Variants in ITSN1 observed in about 807,000 individuals in gnomAD.
ITSN1 encodes the protein intersectin-1.
Under a neutral mutation model 239.8 loss-of-function variants are expected in ITSN1, and 58 were observed. The observed-to-expected ratio is 0.24, with a 90% CI of 0.20 to 0.30. The LOEUF (loss-of-function observed/expected upper bound fraction) is 0.30. Among genes scored for constraint, ITSN1 ranks in the 10% least tolerant of loss-of-function variants. The pLI is 1.00. For synonymous variants in ITSN1, 780 were observed against 770.8 expected, an observed-to-expected ratio of 1.01 and a Z score of -0.20; for missense variants, 1,558 against 2,103.3, an observed-to-expected ratio of 0.74 and a Z score of 5.07.
chr21:33,793,011 TTTTTC>T (rs1555917549), intron 16 of ITSN1, among the ~76,000 whole-genome samples: 2 of 151,936 alleles, frequency 1.3e-5, no homozygotes, highest in Non-Finnish European at 2.9e-5. Flanking sequence ...CCAGTTAAAC[TTTTTC>T]TTTTATCTCA....
intron 4 of ITSN1, among the ~76,000 whole-genome samples, chr21:33,732,882 A>G (rs189613690): frequency 1.4e-3 from 220 of 152,364 alleles, no homozygotes; most frequent in African/African-American, 5.1e-3. Context: ...CAAGAAAAGC[A>G]TATTATATGA....
At position 33,721,258 on chromosome 21, in the gene ITSN1, G is replaced by A; in HGVS notation, c.109G>A (p.Gly37Arg). ...QQFHSLKPISGFITGDQARNF... is the reference protein window; with the variant it reads ...QQFHSLKPISRFITGDQARNF... ...GTTCCATAGTTTAAAGCCAATATCT[G>A]GATTCATTACTGGTAATCACAGTCA... Residue 37 changes from glycine (G) to arginine (R), a missense_variant, in exon 3 of 40, where the codon GGA becomes AGA. This residue lies in a region of ITSN1 where 982 missense variants were observed against 1,209.9 expected (regional missense o/e 0.81). Transcript: ENST00000381318. 1 of 1,603,022 alleles carries A rather than the reference G, an allele frequency of 6.2e-7. No homozygotes were observed.
At chr21:33,730,106 T>A (rs950645993) in intron 4 of ITSN1, among the ~76,000 whole-genome samples, 2 of 152,080 alleles carry the variant, frequency 1.3e-5, no homozygotes, top group Non-Finnish European at 2.9e-5. Context: ...TTAATTTAGA[T>A]ATGCCTCCTC....
chr21:33,684,559 G>T (rs1388427253), intron 1 of ITSN1, among the ~76,000 whole-genome samples: 1 of 152,074 alleles, frequency 6.6e-6, no homozygotes, highest in African/African-American at 2.4e-5. Flanking sequence ...CCTGTATTTG[G>T]GGGTAGAAAC....
At chr21:33,858,870 TCC>T in intron 31 of ITSN1, 78 bp downstream of exon 31, 2 of 759,344 alleles carry the variant, frequency 2.6e-6, no homozygotes, top group Non-Finnish European at 4.5e-6. Flanking sequence ...GGTCTGTGTG[TCC>T]TTCTTGCATG....
chr21:33,821,115 G>C (rs1385927424), intron 24 of ITSN1, among the ~76,000 whole-genome samples: 1 of 152,228 alleles, frequency 6.6e-6, no homozygotes. Context: ...CCCTGGATTA[G>C]TGATAAAGCC....
chr21:33,681,612 C>G (rs1171021724), intron 1 of ITSN1, among the ~76,000 whole-genome samples: 1 of 130,204 alleles, frequency 7.7e-6, no homozygotes, highest in Admixed American at 7.8e-5. Flanking sequence ...TAGTTTGGAA[C>G]CAGTTTTTAT....
intron 8 of ITSN1, among the ~76,000 whole-genome samples, chr21:33,755,830 A>G (rs1453166695): frequency 1.3e-5 from 2 of 152,196 alleles, no homozygotes; most frequent in African/African-American, 4.8e-5. Flanking sequence ...CTGCCTAGAT[A>G]GGGCTCACCA....
At chr21:33,845,510 C>A (rs1179594177) in intron 29 of ITSN1, among the ~76,000 whole-genome samples, 1 of 152,130 alleles carries the variant, frequency 6.6e-6, no homozygotes, top group East Asian at 1.9e-4. Context: ...AGATAAAAGA[C>A]CCGAATCTAC....
chr21:33,843,135 CG>C (rs2036756234), intron 29 of ITSN1, among the ~76,000 whole-genome samples: 1 of 152,152 alleles, frequency 6.6e-6, no homozygotes, highest in Non-Finnish European at 1.5e-5. Flanking sequence ...CTGAGGGTCT[CG>C]GGAAACACAG....
rs753263265 is a variant in ITSN1, at chr21:33,886,492, C to T, written c.5017+32C>T. 8.7e-6 allele frequency: 13 copies of T among 1,497,100 alleles called. No individual in the cohort carries two copies. In the African/African-American group the frequency reaches 1.4e-4, roughly 16 times the overall value. The allele number at this position is 1,497,100 out of a possible 1,614,324, so 92.7% of individuals were successfully genotyped here. A position where few individuals can be genotyped will look rare whatever the true frequency, so the allele number is the denominator to read the frequency against. On this transcript the variant is annotated intron_variant, in intron 39 of 39. Coordinates refer to ENST00000381318, the MANE Select transcript of ITSN1 (RefSeq NM_003024.3). ...GGAACGCGGCCCTGTGGTTATTCCT[C>T]CTTCCCTGGCACTCGTTTGCGTGGG... is the stretch of plus-strand genomic sequence containing the variant.
chr21:33,847,546 G>A (rs1164481185), intron 29 of ITSN1, among the ~76,000 whole-genome samples: 1 of 152,220 alleles, frequency 6.6e-6, no homozygotes, highest in African/African-American at 2.4e-5. Flanking sequence ...TTCATAAGAT[G>A]AGGGCGTTGA....
chr21:33,819,807 C>G (rs368746558), intron 24 of ITSN1, among the ~76,000 whole-genome samples: 3 of 151,706 alleles, frequency 2.0e-5, no homozygotes, highest in Non-Finnish European at 4.4e-5. Flanking sequence ...AAGGTGAAAC[C>G]CCGTCTCTAC....
intron 1 of ITSN1, among the ~76,000 whole-genome samples, chr21:33,709,574 G>A (rs566153335): frequency 6.6e-5 from 10 of 152,182 alleles, no homozygotes; most frequent in East Asian, 1.9e-4. Context: ...GAGGCACCGC[G>A]CCCAGCCTGT....
intron 28 of ITSN1, among the ~76,000 whole-genome samples, chr21:33,835,163 T>A (rs140356052): frequency 2.4e-4 from 37 of 152,204 alleles, no homozygotes; most frequent in Admixed American, 2.2e-3. Flanking sequence ...ATGTACCCAG[T>A]GAGATAAGAT....
chr21:33,725,553 T>C (rs1356734233), intron 4 of ITSN1, among the ~76,000 whole-genome samples: 1 of 152,112 alleles, frequency 6.6e-6, no homozygotes, highest in Non-Finnish European at 1.5e-5. Flanking sequence ...TCAGCTATGA[T>C]TGTGCCTTCT....
At chr21:33,847,516 C>T (rs1481700832) in intron 29 of ITSN1, among the ~76,000 whole-genome samples, 2 of 152,244 alleles carry the variant, frequency 1.3e-5, no homozygotes, top group South Asian at 2.1e-4. Context: ...CACCGTACAT[C>T]GCTGGGATCT....
chr21:33,830,386 C>G (rs975945660), intron 27 of ITSN1, among the ~76,000 whole-genome samples: 67 of 152,002 alleles, frequency 4.4e-4, no homozygotes, highest in African/African-American at 1.6e-3. Flanking sequence ...TTGAAGTGAC[C>G]CCCACAGATC....
chr21:33,850,163 G>A (rs1308463266), intron 29 of ITSN1, among the ~76,000 whole-genome samples: 3 of 152,212 alleles, frequency 2.0e-5, no homozygotes, highest in African/African-American at 7.2e-5. Context: ...CTTCTCAGCA[G>A]TAATTAAACT....
Sources: allele counts gnomAD v4.1 joint callset (sites outside exome capture counted in the v4.1 genomes callset), GRCh38; gene constraint gnomAD v4.1.1; regional missense constraint gnomAD v4.1.1; transcripts MANE v1.5; gene names NCBI Gene and HGNC (gene_info 2026-07-23, HGNC 2026-07-21).